SPAG16: variants seen among roughly 807,000 people sequenced by gnomAD.
SPAG16 encodes the protein sperm-associated antigen 16 protein.
A neutral mutation model predicts 80.4 loss-of-function variants in SPAG16; 86 were observed. That is an observed-to-expected ratio of 1.07 (90% CI 0.90 to 1.28). The LOEUF (loss-of-function observed/expected upper bound fraction) is 1.28, where lower values mean the gene tolerates loss of function less well. SPAG16 is among the 50% of genes most tolerant of loss of function. The pLI is 0.00. For missense variants in SPAG16, 870 were observed against 765.3 expected, an observed-to-expected ratio of 1.14 and a Z score of -1.61; for synonymous variants, 294 against 265.9, an observed-to-expected ratio of 1.11 and a Z score of -1.03.
At chr2:214,286,885 A>C (rs1465160723) in intron 15 of SPAG16, among the ~76,000 whole-genome samples, 1 of 152,214 alleles carries the variant, frequency 6.6e-6, no homozygotes, top group Non-Finnish European at 1.5e-5. Context: ...ATGATGGATC[A>C]CTTCCATGAA....
At chr2:214,366,047 C>T (rs1488432595) in intron 15 of SPAG16, among the ~76,000 whole-genome samples, 56 of 150,184 alleles carry the variant, frequency 3.7e-4, no homozygotes, top group Non-Finnish European at 6.8e-4. Context: ...GGTATGATCT[C>T]GGCTCACTGC....
intron 10 of SPAG16, among the ~76,000 whole-genome samples, chr2:213,860,525 G>C (rs1033739194): frequency 3.7e-5 from 5 of 134,260 alleles, no homozygotes; most frequent in African/African-American, 1.3e-4. Context: ...ATCTATGCCA[G>C]TGTTAGAAAA....
chr2:213,563,265 A>G (rs1012562084), intron 10 of SPAG16, among the ~76,000 whole-genome samples: 7 of 151,936 alleles, frequency 4.6e-5, no homozygotes, highest in African/African-American at 1.7e-4. Context: ...TTTTTTTCAC[A>G]TATGCCATAT....
At chr2:213,737,493 C>CTTTTTTTTT (rs3076768) in intron 10 of SPAG16, among the ~76,000 whole-genome samples, 1 of 142,252 alleles carries the variant, frequency 7.0e-6, no homozygotes, top group East Asian at 2.0e-4. Flanking sequence ...TTTTTCTTTT[C>CTTTTTTTTT]TTTTTTTTTT....
chr2:213,284,911 A>G (rs2061999575), intron 1 of SPAG16, among the ~76,000 whole-genome samples: 1 of 152,190 alleles, frequency 6.6e-6, no homozygotes, highest in South Asian at 2.1e-4. Context: ...GTTGCTTTTT[A>G]TGTTAAGACA....
At position 213,861,238 on chromosome 2, in the gene SPAG16, T is replaced by A. The variant is rs574729158; in HGVS notation, c.1071-1247T>A. ...TGAAGCCAGTAGATTCCCAAAACTG[T>A]GTAGGTCTAATTTAAAAATAATTTT... On this transcript the variant is annotated intron_variant, in intron 10 of 15. Coordinates refer to ENST00000331683, the MANE Select transcript of SPAG16 (RefSeq NM_024532.5). 2.0e-5 allele frequency among the ~76,000 whole-genome samples: 3 copies of A among 152,292 alleles called. No individual in the cohort carries two copies. The South Asian group carries it at 6.2e-4, about 32-fold the overall frequency.
intron 13 of SPAG16, among the ~76,000 whole-genome samples, chr2:214,090,931 T>C (rs926795624): frequency 3.3e-5 from 5 of 151,978 alleles, no homozygotes; most frequent in Non-Finnish European, 5.9e-5. Context: ...TGAGAACAAA[T>C]AAATGAACAA....
chr2:213,918,942 G>A (rs1035607070), intron 11 of SPAG16, among the ~76,000 whole-genome samples: 1 of 152,056 alleles, frequency 6.6e-6, no homozygotes, highest in African/African-American at 2.4e-5. Flanking sequence ...AATAGTCTCT[G>A]ATGGTTATTT....
At chr2:213,684,560 A>C (rs1299949156) in intron 10 of SPAG16, among the ~76,000 whole-genome samples, 1 of 152,232 alleles carries the variant, frequency 6.6e-6, no homozygotes. Context: ...TTTCCAACTG[A>C]CTACAATATA....
intron 5 of SPAG16, among the ~76,000 whole-genome samples, chr2:213,337,209 A>G (rs2064410079): frequency 6.6e-6 from 1 of 152,204 alleles, no homozygotes; most frequent in African/African-American, 2.4e-5. Context: ...ACAAAAACCC[A>G]TCCAAAGGTC....
intron 10 of SPAG16, among the ~76,000 whole-genome samples, chr2:213,821,717 T>G (rs180896421): frequency 2.0e-5 from 3 of 152,310 alleles, no homozygotes; most frequent in Middle Eastern, 3.4e-3. Flanking sequence ...CTACCCTTCC[T>G]AGCATCTGGT....
chr2:214,088,004 A>G (rs1260261463), intron 13 of SPAG16, among the ~76,000 whole-genome samples: 1 of 152,142 alleles, frequency 6.6e-6, no homozygotes, highest in Non-Finnish European at 1.5e-5. Context: ...CCTGATATGT[A>G]AACAGAAAAG....
intron 10 of SPAG16, among the ~76,000 whole-genome samples, chr2:213,770,840 A>G (rs1352400098): frequency 6.6e-6 from 1 of 152,144 alleles, no homozygotes; most frequent in Admixed American, 6.6e-5. Flanking sequence ...TATATGTACC[A>G]CATTTTCTTT....
At chr2:213,694,723 T>C (rs2065087422) in intron 10 of SPAG16, among the ~76,000 whole-genome samples, 1 of 151,860 alleles carries the variant, frequency 6.6e-6, no homozygotes, top group South Asian at 2.1e-4. Context: ...CCTTCCTTCC[T>C]GCTTGCATTC....
At chr2:214,156,019 A>G (rs889830954) in intron 15 of SPAG16, among the ~76,000 whole-genome samples, 4 of 152,192 alleles carry the variant, frequency 2.6e-5, no homozygotes, top group Non-Finnish European at 4.4e-5. Context: ...CTTTATATTG[A>G]TACATGGCAT....
chr2:213,717,207 C>T lies in SPAG16; in HGVS notation c.1071-145278C>T, dbSNP rs527274632. ...ATCTCGTCTGTCGCCCAGGCTGGAG[C>T]GCAGTGGTGCCTGCCATCTCAGCTC... On this transcript the variant is annotated intron_variant, in intron 10 of 15. Coordinates refer to ENST00000331683, the MANE Select transcript of SPAG16 (RefSeq NM_024532.5). Among the ~76,000 whole-genome samples the T allele has an allele frequency of 1.1e-4, 16 of 147,786 alleles. No individual in the cohort carries two copies. The Middle Eastern group carries it at 0.011, about 100-fold the overall frequency.
intron 11 of SPAG16, among the ~76,000 whole-genome samples, chr2:213,872,977 G>GT (rs78125250): frequency 0.59 from 90,195 of 151,712 alleles, 28,688 homozygotes; most frequent in South Asian, 0.85. Context: ...TGGATTTGGT[G>GT]TATTAGTATT....
rs373870903 is a variant in SPAG16 at position 213,516,719 on chromosome 2, G to T, written c.1070+26629G>T. Among the ~76,000 whole-genome samples the T allele has an allele frequency of 1.3e-3, 196 of 152,252 alleles. 1 individual carries two copies. Among genetic ancestry groups the T allele is most frequent in the South Asian group, 9.3e-3 (45 of 4,824 alleles). ...ATAAGGGGGCCTCCTAAAGCAAACTGTGATGTGGAAATGAATGTCAAAAAA... is the reference window on the plus strand; with the variant it reads ...ATAAGGGGGCCTCCTAAAGCAAACTTTGATGTGGAAATGAATGTCAAAAAA... On this transcript the variant is annotated intron_variant, in intron 10 of 15. Coordinates refer to ENST00000331683, the MANE Select transcript of SPAG16 (RefSeq NM_024532.5).
intron 11 of SPAG16, among the ~76,000 whole-genome samples, chr2:213,918,988 G>C (rs2078091837): frequency 6.6e-6 from 1 of 152,222 alleles, no homozygotes; most frequent in South Asian, 2.1e-4. Flanking sequence ...GTCAGGATCA[G>C]TGTAATGCCC....
Sources: gnomAD v4.1 joint callset for allele counts (sites outside exome capture counted in the v4.1 genomes callset) on GRCh38, gnomAD v4.1.1 for gene constraint, MANE v1.5 for transcripts, NCBI Gene and HGNC (gene_info 2026-07-23, HGNC 2026-07-21) for gene names.